The following TNRC6C variants were observed in gnomAD, a reference collection of about 807,000 sequenced individuals.
TNRC6C encodes trinucleotide repeat-containing gene 6C protein.
Under a neutral mutation model 153.7 loss-of-function variants are expected in TNRC6C, and 20 were observed. The observed-to-expected ratio is 0.13, with a 90% CI of 0.09 to 0.19. The LOEUF is 0.19. Ranked by LOEUF, TNRC6C falls within the 10% of genes least tolerant of loss-of-function variation. The pLI is 1.00. For missense variants in TNRC6C, 1,987 were observed against 2,172.0 expected, an observed-to-expected ratio of 0.91 and a Z score of 1.69; for synonymous variants, 811 against 841.4, an observed-to-expected ratio of 0.96 and a Z score of 0.63.
At chr17:78,096,368 C>G (rs1192805762) in intron 16 of TNRC6C, among the ~76,000 whole-genome samples, 1 of 152,214 alleles carries the variant, frequency 6.6e-6, no homozygotes, top group Non-Finnish European at 1.5e-5. Context: ...CCACGACGCA[C>G]AGTTCACCTG....
Position 78,049,975 on chromosome 17 carries a change from G to T in TNRC6C, c.913G>T (p.Gly305Cys), listed in dbSNP as rs758811461. 3 of 1,614,040 alleles carry T rather than the reference G, an allele frequency of 1.9e-6. No individual in the cohort carries two copies. The highest frequency in any genetic ancestry group is 2.2e-5 in the South Asian group (2 of 91,086). Residue 305 changes from glycine (G) to cysteine (C), a missense_variant, in exon 3 of 20, where the codon GGT (glycine) becomes TGT (cysteine). Gly to Cys is a radical substitution (Grantham distance 159). Transcript: ENST00000301624. This position sits in a 1 kb window ranked among gnomAD's most constrained non-coding sequence, Gnocchi z 4.1. Reference sequence around the variant, plus strand: ...TGCTTGGGATTCAGGACCTCCTGCTGGTCCTGGAATACTCGCCTGGGGAAG... The same window carrying T: ...TGCTTGGGATTCAGGACCTCCTGCTTGTCCTGGAATACTCGCCTGGGGAAG...
intron 1 of TNRC6C, among the ~76,000 whole-genome samples, chr17:78,020,423 T>C (rs952924418): frequency 2.6e-5 from 4 of 152,216 alleles, no homozygotes; most frequent in Non-Finnish European, 5.9e-5. Context: ...AGGGAAATTC[T>C]CCCACCTGAA....
upstream of TNRC6C, among the ~76,000 whole-genome samples, chr17:78,004,700 A>G (rs2071466742): frequency 6.6e-6 from 1 of 152,202 alleles, no homozygotes; most frequent in South Asian, 2.1e-4. Context: ...TGTAAACTTC[A>G]TAGTCAAGCT....
rs761176799 is a variant in TNRC6C at position 78,064,963 on chromosome 17, G to A, written c.2611+26G>A. 23 of 1,581,182 alleles carry A rather than the reference G, an allele frequency of 1.5e-5. No homozygotes were observed. In the East Asian group the frequency reaches 5.3e-4, roughly 36 times the overall value. On this transcript the variant is annotated intron_variant, in intron 4 of 19. Transcript: ENST00000301624. ...GTAAGCCTAGCATCCTGCTTGCCCTGATCTGGCAATTTGGAAATGACTCAA... is the reference window on the plus strand; with the variant it reads ...GTAAGCCTAGCATCCTGCTTGCCCTAATCTGGCAATTTGGAAATGACTCAA...
At chr17:78,107,762 G>A (rs538921857) in exon 20 of TNRC6C, 18 of 152,242 alleles carry the variant, frequency 1.2e-4, no homozygotes, top group African/African-American at 3.1e-4. Flanking sequence ...TGTCTGGGAC[G>A]GCAGCAAGAA....
At chr17:77,978,188 C>T (rs986969969) in intron 1 of TNRC6C, among the ~76,000 whole-genome samples, 4 of 152,060 alleles carry the variant, frequency 2.6e-5, no homozygotes, top group South Asian at 2.1e-4. Flanking sequence ...TGAGCCACCG[C>T]GCCCGGCCTA....
In TNRC6C at chr17:78,049,202, G is replaced by A; in HGVS notation, c.140G>A (p.Ser47Asn). 1 of 1,613,298 alleles carries A rather than the reference G, an allele frequency of 6.2e-7. No homozygotes were observed. Among genetic ancestry groups the A allele is most frequent in the South Asian group, 1.1e-5 (1 of 90,880 alleles). The change falls in exon 3 of 20, where the codon AGT becomes AAT. Residue 47 changes from serine to asparagine, a missense_variant. Transcript: ENST00000301624. The surrounding 1 kb of genome is among the most constrained non-coding windows in gnomAD (Gnocchi z 4.1). ...GCAGGGGGAGCGAACAGTAATGGAA[G>A]TGCGGCCAGAGTGTGGGGTGTAGCC...
exon 15 of TNRC6C, chr17:78,092,933 G>A: frequency 6.2e-7 from 1 of 1,613,608 alleles, no homozygotes; most frequent in Non-Finnish European, 8.5e-7. Context: ...GTCCCCATAG[G>A]TGCTATCCCT....
chr17:77,977,549 A>G (rs2071018271), intron 1 of TNRC6C, among the ~76,000 whole-genome samples: 1 of 152,226 alleles, frequency 6.6e-6, no homozygotes, highest in Non-Finnish European at 1.5e-5. Flanking sequence ...AGCCCTAGCT[A>G]TGTGCTAGGA....
chr17:78,100,428 T>G (rs1267096808), intron 17 of TNRC6C, among the ~76,000 whole-genome samples: 4 of 152,226 alleles, frequency 2.6e-5, no homozygotes, highest in African/African-American at 7.2e-5. Flanking sequence ...ACCCAGAGTC[T>G]CAACACCACG....
intron 17 of TNRC6C, 103 bp downstream of exon 20, chr17:78,098,640 T>C: frequency 7.4e-7 from 1 of 1,360,340 alleles, no homozygotes; most frequent in Non-Finnish European, 9.9e-7. Context: ...TGCCTGTAAC[T>C]CTGGAGCCTG....
chr17:78,028,442 A>G (rs1420152509), intron 1 of TNRC6C, among the ~76,000 whole-genome samples: 1 of 152,180 alleles, frequency 6.6e-6, no homozygotes, highest in Non-Finnish European at 1.5e-5. Flanking sequence ...ACTGCATGTC[A>G]CATGATTTTC....
rs954126642 is a variant in TNRC6C at position 77,990,573 on chromosome 17, C to T, written c.-37-13597C>T. 8.7e-5 allele frequency among the ~76,000 whole-genome samples: 13 copies of T among 149,150 alleles called. No individual in the cohort carries two copies. The South Asian group carries it at 2.3e-3, about 26-fold the overall frequency. On this transcript the variant is annotated intron_variant, in intron 1 of 22. Coordinates refer to the TNRC6C transcript ENST00000636222. ...TCTCCTTCAGAACTTAGCTCACTTTCGCAGGAAATCTGTGACCTCCTGACC... is the reference window on the plus strand; with the variant it reads ...TCTCCTTCAGAACTTAGCTCACTTTTGCAGGAAATCTGTGACCTCCTGACC...
chr17:78,034,013 G>A (rs991903759), intron 2 of TNRC6C, among the ~76,000 whole-genome samples: 4 of 152,086 alleles, frequency 2.6e-5, no homozygotes, highest in African/African-American at 7.2e-5. Context: ...CTTCATAGCC[G>A]AGTCTCCCCA....
chr17:77,964,245 T>C (rs1055521595), intron 1 of TNRC6C, among the ~76,000 whole-genome samples: 1 of 152,258 alleles, frequency 6.6e-6, no homozygotes, highest in Non-Finnish European at 1.5e-5. Context: ...GTTTTTCTTC[T>C]TCAGACCATT....
At chr17:77,974,532 G>T (rs529551349) in intron 1 of TNRC6C, among the ~76,000 whole-genome samples, 92 of 147,890 alleles carry the variant, frequency 6.2e-4, no homozygotes, top group Non-Finnish European at 1.2e-3. Context: ...TTGCTGTGTT[G>T]CCCAGGCTGC....
At chr17:78,039,828 G>C (rs550834023) in intron 2 of TNRC6C, among the ~76,000 whole-genome samples, 1 of 152,366 alleles carries the variant, frequency 6.6e-6, no homozygotes, top group Admixed American at 6.5e-5. Flanking sequence ...AGCTGTCAAA[G>C]GGCTGTCCTG....
At position 78,079,333 on chromosome 17, in the gene TNRC6C, C is replaced by T; in HGVS notation, c.3211-62C>T. On this transcript the variant is annotated intron_variant, in intron 9 of 19. Transcript: ENST00000301624. This position sits in a 1 kb window ranked among gnomAD's most constrained non-coding sequence, Gnocchi z 4.3. ...ACTTGAAATAGATCATTTCACCCTA[C>T]CTCCAAACAATGTTACTCTAATGCC... is the stretch of plus-strand genomic sequence containing the variant. 6.3e-7 allele frequency: 1 copy of T among 1,589,090 alleles called. No homozygotes were observed. Among genetic ancestry groups the T allele is most frequent in the Non-Finnish European group, 8.6e-7 (1 of 1,160,908 alleles).
chr17:78,079,525 A>C lies in TNRC6C; in HGVS notation c.3341A>C (p.Gln1114Pro). 6.2e-7 allele frequency: 1 copy of C among 1,613,888 alleles called. No homozygotes were observed. The highest frequency in any genetic ancestry group is 8.5e-7 in the Non-Finnish European group (1 of 1,179,876). The change falls in exon 10 of 20, where the codon CAG becomes CCG. Residue 1114 changes from glutamine (Q) to proline (P), a missense_variant. Physicochemically the swap from Gln to Pro is moderately conservative, Grantham distance 76. This residue lies in a region of TNRC6C where 765 missense variants were observed against 908.6 expected (regional missense o/e 0.84). Coordinates refer to ENST00000301624, the Ensembl canonical transcript of TNRC6C. The surrounding 1 kb of genome is among the most constrained non-coding windows in gnomAD (Gnocchi z 4.3). Reference sequence around the variant, plus strand: ...CCCAGTCTCCGTGCTCAAGTGCCTCAGTTTCTATCCCCTCAGGTCAGACCC... The same window carrying C: ...CCCAGTCTCCGTGCTCAAGTGCCTCCGTTTCTATCCCCTCAGGTCAGACCC...
Sources: allele counts gnomAD v4.1 joint callset (sites outside exome capture counted in the v4.1 genomes callset), GRCh38; gene constraint gnomAD v4.1.1; regional missense constraint gnomAD v4.1.1; non-coding constraint Gnocchi (gnomAD v3.1); transcripts MANE v1.5; gene names NCBI Gene and HGNC (gene_info 2026-07-23, HGNC 2026-07-21).